LEPR: variants seen among roughly 807,000 people sequenced by gnomAD.
LEPR encodes OB receptor.
In LEPR, 56 loss-of-function variants were observed where a neutral mutation model predicts 114.7. The ratio of observed to expected loss-of-function variants is 0.49; its 90% CI spans 0.39 to 0.61. The LOEUF is 0.61. Ranked by LOEUF, LEPR falls within the 20% of genes least tolerant of loss-of-function variation. LEPR has a pLI of 0.00. For missense variants in LEPR, 1,202 were observed against 1,352.9 expected, an observed-to-expected ratio of 0.89 and a Z score of 1.75; for synonymous variants, 443 against 461.4, an observed-to-expected ratio of 0.96 and a Z score of 0.51.
At chr1:65,623,200 C>T (rs905647155) in intron 19 of LEPR, 17 of 529,432 alleles carry the variant, frequency 3.2e-5, no homozygotes, top group Non-Finnish European at 5.7e-5. Context: ...TATGAGAGTT[C>T]ACAATATACA....
At chr1:65,461,610 T>C (rs1646946882) in intron 2 of LEPR, among the ~76,000 whole-genome samples, 1 of 152,186 alleles carries the variant, frequency 6.6e-6, no homozygotes, top group Non-Finnish European at 1.5e-5. Flanking sequence ...GGAGAATAGG[T>C]GGATCTCCCA....
chr1:65,484,844 C>G (rs1338375031), intron 2 of LEPR, among the ~76,000 whole-genome samples: 2 of 152,150 alleles, frequency 1.3e-5, no homozygotes, highest in African/African-American at 2.4e-5. Flanking sequence ...CTGAAAATTG[C>G]ATGCTTCTTT....
intron 5 of LEPR, among the ~76,000 whole-genome samples, chr1:65,587,001 G>A (rs951587678): frequency 7.1e-6 from 1 of 141,224 alleles, no homozygotes; most frequent in Non-Finnish European, 1.5e-5. Context: ...GAGTTAATCT[G>A]ATTTTAAATT....
chr1:65,538,461 G>GT (rs1231671662), intron 2 of LEPR, among the ~76,000 whole-genome samples: 1 of 151,824 alleles, frequency 6.6e-6, no homozygotes, highest in Non-Finnish European at 1.5e-5. Context: ...GTCGTTTTTG[G>GT]TTTTCTCCTC....
intron 11 of LEPR, among the ~76,000 whole-genome samples, chr1:65,608,300 G>A (rs1016776744): frequency 2.0e-5 from 3 of 150,572 alleles, no homozygotes; most frequent in African/African-American, 7.3e-5. Context: ...GCGCAATCTC[G>A]GCTCACTGCA....
At chr1:65,463,113 G>C (rs1046210977) in intron 2 of LEPR, among the ~76,000 whole-genome samples, 1 of 152,148 alleles carries the variant, frequency 6.6e-6, no homozygotes, top group Non-Finnish European at 1.5e-5. Flanking sequence ...TTCTTCTAGG[G>C]TTTTTATGGT....
chr1:65,514,219 G>T (rs1210853516), intron 2 of LEPR, among the ~76,000 whole-genome samples: 207 of 152,312 alleles, frequency 1.4e-3, no homozygotes, highest in African/African-American at 4.6e-3. Flanking sequence ...TTTTCAGATA[G>T]TCAAGGAAAT....
chr1:65,550,927 G>A (rs529539910), intron 2 of LEPR, among the ~76,000 whole-genome samples: 18 of 152,152 alleles, frequency 1.2e-4, no homozygotes, highest in Non-Finnish European at 2.2e-4. Flanking sequence ...ACTGGGAGCT[G>A]TAGACCAGAG....
intron 2 of LEPR, among the ~76,000 whole-genome samples, chr1:65,518,716 A>G (rs1278029950): frequency 6.6e-6 from 1 of 152,200 alleles, no homozygotes; most frequent in African/African-American, 2.4e-5. Context: ...TGCTTTCCAC[A>G]TAACTGCAGG....
intron 2 of LEPR, chr1:65,435,901 T>A (rs939008105): frequency 1.0e-6 from 1 of 984,760 alleles, no homozygotes; most frequent in African/African-American, 1.7e-5. Context: ...TAAATTATAA[T>A]CTTTCAAATA....
chr1:65,452,186 A>G (rs1048554997), intron 2 of LEPR, among the ~76,000 whole-genome samples: 3 of 152,176 alleles, frequency 2.0e-5, no homozygotes, highest in Admixed American at 6.5e-5. Flanking sequence ...GGGCTGAGAC[A>G]ATGGGGTTTT....
chr1:65,616,082 A>G lies in LEPR; in HGVS notation c.2070A>G (p.Thr690=). The change falls in exon 15 of 20, where the codon ACA becomes ACG. Residue 690 remains threonine, a synonymous_variant. Transcript: ENST00000349533. ...ACCATCATACTTCCTGCAATGGAAC[A>G]TGGTCAGAAGATGTGGGAAATCACA... ...VINHHTSCNG[T]WSEDVGNHTK... 1 of 1,614,200 alleles carries G rather than the reference A, an allele frequency of 6.2e-7. No homozygotes were observed. The highest frequency in any genetic ancestry group is 8.5e-7 in the Non-Finnish European group (1 of 1,180,024).
chr1:65,444,160 A>G (rs1488183706), intron 2 of LEPR, among the ~76,000 whole-genome samples: 1 of 24,956 alleles, frequency 4.0e-5, no homozygotes, highest in East Asian at 3.2e-4. Flanking sequence ...TCCTGTGTCC[A>G]TGTGATCTCA....
intron 11 of LEPR, among the ~76,000 whole-genome samples, chr1:65,608,120 C>G (rs1316045451): frequency 1.3e-5 from 2 of 150,182 alleles, no homozygotes; most frequent in Non-Finnish European, 2.9e-5. Flanking sequence ...GAGTTTCACA[C>G]TCACACATAT....
intron 2 of LEPR, among the ~76,000 whole-genome samples, chr1:65,470,570 C>A (rs955421965): frequency 6.6e-6 from 1 of 152,128 alleles, no homozygotes; most frequent in African/African-American, 2.4e-5. Flanking sequence ...CTTCCCAAAC[C>A]CTTGCTCCCC....
At chr1:65,514,659 T>C (rs950295586) in intron 2 of LEPR, among the ~76,000 whole-genome samples, 2 of 152,226 alleles carry the variant, frequency 1.3e-5, no homozygotes, top group Non-Finnish European at 2.9e-5. Flanking sequence ...TAATATATGT[T>C]CTGTGGTAAT....
intron 2 of LEPR, among the ~76,000 whole-genome samples, chr1:65,527,450 G>A (rs894180913): frequency 5.3e-5 from 8 of 152,194 alleles, no homozygotes; most frequent in African/African-American, 1.7e-4. Flanking sequence ...CTTTCTTTTT[G>A]ATTAGAAGAA....
At chr1:65,624,704 G>T (rs561210765) in intron 19 of LEPR, among the ~76,000 whole-genome samples, 36 of 152,266 alleles carry the variant, frequency 2.4e-4, no homozygotes, top group African/African-American at 8.7e-4. Flanking sequence ...TAAAAATGCT[G>T]GTTGCAAGAC....
intron 3 of LEPR, 88 bp downstream of exon 3, chr1:65,565,693 CAG>C (rs1653685722): frequency 1.4e-6 from 2 of 1,465,856 alleles, no homozygotes; most frequent in African/African-American, 1.4e-5. Flanking sequence ...TATTAGCTAA[CAG>C]AATTTCCTAT....
Sources: allele counts gnomAD v4.1 joint callset (sites outside exome capture counted in the v4.1 genomes callset), GRCh38; gene constraint gnomAD v4.1.1; transcripts MANE v1.5; gene names NCBI Gene and HGNC (gene_info 2026-07-23, HGNC 2026-07-21).